PCDHA5: variants seen among roughly 807,000 people sequenced by gnomAD.
The protein encoded by PCDHA5 is protocadherin alpha 5.
In PCDHA5, 43 loss-of-function variants were observed where a neutral mutation model predicts 61.6. The ratio of observed to expected loss-of-function variants is 0.70; its 90% CI spans 0.55 to 0.90. PCDHA5 has a LOEUF of 0.90. Ranked by LOEUF, PCDHA5 falls within the 40% of genes least tolerant of loss-of-function variation. PCDHA5 has a pLI of 0.00. For missense variants in PCDHA5, 1,298 were observed against 1,222.7 expected, an observed-to-expected ratio of 1.06 and a Z score of -0.92; for synonymous variants, 627 against 543.9, an observed-to-expected ratio of 1.15 and a Z score of -2.13.
At chr5:140,909,598 T>A (rs934160611) in intron 1 of PCDHA5, among the ~76,000 whole-genome samples, 1 of 152,198 alleles carries the variant, frequency 6.6e-6, no homozygotes, top group Non-Finnish European at 1.5e-5. Flanking sequence ...ATTTACTATT[T>A]TTCTAGGTAG....
rs200722492 is a variant in PCDHA5, at chr5:140,856,425, A to T, written c.2352+32298A>T. ...GTGGACGTGGAAGTGAAGGACATTAACGACAACCCGCCCAGGTTCTCCGTA... is the reference window on the plus strand; with the variant it reads ...GTGGACGTGGAAGTGAAGGACATTATCGACAACCCGCCCAGGTTCTCCGTA... On this transcript the variant is annotated intron_variant, in intron 1 of 3. Transcript: ENST00000529859. The T allele has an allele frequency of 2.3e-5, 37 of 1,598,204 alleles. 1 individual carries two copies. The highest frequency in any genetic ancestry group is 1.9e-4 in the Admixed American group (11 of 59,214).
At chr5:140,829,950 T>C (rs1770704660) in intron 1 of PCDHA5, 1 of 1,613,960 alleles carries the variant, frequency 6.2e-7, no homozygotes, top group Non-Finnish European at 8.5e-7. Context: ...AGCGCTCGCT[T>C]CCCGTTTCGC....
At chr5:141,006,382 T>A (rs2098271166) in intron 3 of PCDHA5, among the ~76,000 whole-genome samples, 1 of 151,910 alleles carries the variant, frequency 6.6e-6, no homozygotes, top group African/African-American at 2.4e-5. Context: ...CGGCTAAGTT[T>A]TTTCTATTTT....
rs2150445484 is a variant in PCDHA5, at chr5:140,849,697, A to T, written c.2352+25570A>T. The T allele has an allele frequency of 1.8e-5, 29 of 1,598,622 alleles. 2 individuals carry two copies. Among genetic ancestry groups the T allele is most frequent in the Middle Eastern group, 1.7e-4 (1 of 5,912 alleles). ...GTCCCCTTCAAGCTGGTGTCCACCTACAAGAATTACTACTCGTTGGTGCTG... is the reference window on the plus strand; with the variant it reads ...GTCCCCTTCAAGCTGGTGTCCACCTTCAAGAATTACTACTCGTTGGTGCTG... On this transcript the variant is annotated intron_variant, in intron 1 of 3. Coordinates refer to ENST00000529859, the MANE Select transcript of PCDHA5 (RefSeq NM_018908.3).
chr5:140,986,467 T>G (rs190246289), intron 3 of PCDHA5, among the ~76,000 whole-genome samples: 4 of 152,196 alleles, frequency 2.6e-5, no homozygotes, highest in Non-Finnish European at 5.9e-5. Context: ...AATGCCCTCT[T>G]GTGATCAGTT....
intron 1 of PCDHA5, among the ~76,000 whole-genome samples, chr5:140,909,996 T>C (rs549464312): frequency 1.3e-5 from 2 of 152,192 alleles, no homozygotes; most frequent in African/African-American, 4.8e-5. Context: ...ACAGCATAAA[T>C]TGTTGTCAGT....
chr5:140,988,411 A>T (rs2097296392), intron 3 of PCDHA5, among the ~76,000 whole-genome samples: 1 of 152,144 alleles, frequency 6.6e-6, no homozygotes, highest in Non-Finnish European at 1.5e-5. Flanking sequence ...TTCGCAGCTT[A>T]TGTAAAGAAT....
chr5:140,824,010 G>A lies in PCDHA5; in HGVS notation c.2235G>A (p.Gly745=), dbSNP rs1554129688. ...KPTLLCSSAV[G]SWSYSQQRRQ... is the part of the protein sequence containing the mutation. The stretch of plus-strand genomic sequence containing the variant: ...CTCTGTTGTGCTCCAGCGCGGTGGG[G>A]AGCTGGTCGTACTCGCAGCAGAGGA... Residue 745 remains glycine (G), a synonymous_variant, in exon 1 of 4, where the codon GGG becomes GGA. Coordinates refer to ENST00000529859, the MANE Select transcript of PCDHA5 (RefSeq NM_018908.3). The A allele has an allele frequency of 1.2e-6, 2 of 1,614,148 alleles. No homozygotes were observed. Among genetic ancestry groups the A allele is most frequent in the Middle Eastern group, 1.6e-4 (1 of 6,062 alleles).
chr5:140,882,873 G>T, intron 1 of PCDHA5: 6 of 1,614,222 alleles, frequency 3.7e-6, no homozygotes, highest in Non-Finnish European at 5.1e-6. Flanking sequence ...ACACTGGACA[G>T]AGAGGAAATT....
intron 1 of PCDHA5, chr5:140,843,780 GT>G: frequency 7.0e-7 from 1 of 1,429,410 alleles, no homozygotes; most frequent in Non-Finnish European, 9.6e-7. Context: ...CTTTAAAAGT[GT>G]TTCAGATTTA....
chr5:140,860,192 C>CATATAT (rs143984774), intron 1 of PCDHA5: 2 of 146,816 alleles, frequency 1.4e-5, no homozygotes, highest in African/African-American at 5.0e-5. Context: ...GCTCTCCTTA[C>CATATAT]ATATATATCT....
Position 140,869,973 on chromosome 5 carries a change from C to T in PCDHA5, c.2352+45846C>T, listed in dbSNP as rs782664221. The stretch of plus-strand genomic sequence containing the variant: ...TGTCAATTAAGCCCAATGGAAGACA[C>T]TTATTTACACTAGATCAAAATAATG... On this transcript the variant is annotated intron_variant, in intron 1 of 3. Coordinates refer to ENST00000529859, the MANE Select transcript of PCDHA5 (RefSeq NM_018908.3). 3.0e-5 allele frequency: 48 copies of T among 1,613,102 alleles called. No individual in the cohort carries two copies. In the East Asian group the frequency reaches 1.0e-3, roughly 34 times the overall value.
rs2098423512 is a variant in PCDHA5 at position 141,012,298 on chromosome 5, T to A, written c.*2361T>A. On this transcript the variant is annotated 3_prime_UTR_variant, in exon 4 of 4. Transcript: ENST00000529859. ...ATGTGGATTCATTTTGAATTGGTGC[T>A]ATTGGTATTTCCTCTGTTATTGCTA... is the stretch of plus-strand genomic sequence containing the variant. The A allele has an allele frequency of 6.5e-6, 1 of 153,804 alleles. No individual in the cohort carries two copies. Among genetic ancestry groups the A allele is most frequent in the Non-Finnish European group, 1.5e-5 (1 of 68,048 alleles). 9.5% of individuals were successfully genotyped at this position (153,804 alleles called of 1,614,324 possible). A position where few individuals can be genotyped will look rare whatever the true frequency, so the allele number is the denominator to read the frequency against.
intron 1 of PCDHA5, chr5:140,843,356 T>G (rs1228911692): frequency 1.3e-6 from 2 of 1,595,866 alleles, no homozygotes; most frequent in Non-Finnish European, 1.7e-6. Context: ...TCCAAAAGCG[T>G]CATCGAGGCA....
chr5:140,967,838 G>A, intron 1 of PCDHA5: 1 of 1,614,124 alleles, frequency 6.2e-7, no homozygotes, highest in Non-Finnish European at 8.5e-7. Flanking sequence ...CATCGTGGAC[G>A]TGAATGACAA....
At chr5:140,973,800 C>A (rs1554235613) in intron 1 of PCDHA5, among the ~76,000 whole-genome samples, 1 of 152,236 alleles carries the variant, frequency 6.6e-6, no homozygotes, top group Non-Finnish European at 1.5e-5. Context: ...ATGCTGTCTA[C>A]TTGACAGAAT....
intron 1 of PCDHA5, among the ~76,000 whole-genome samples, chr5:140,827,548 A>G (rs1562291088): frequency 1.3e-5 from 2 of 152,142 alleles, no homozygotes; most frequent in African/African-American, 2.4e-5. Context: ...TTTAAGTTAC[A>G]TTTTTTCCCT....
intron 1 of PCDHA5, among the ~76,000 whole-genome samples, chr5:140,909,495 G>A (rs532080413): frequency 7.2e-5 from 11 of 152,278 alleles, no homozygotes; most frequent in African/African-American, 2.6e-4. Context: ...AGCTGAACGG[G>A]GATGTGGTGG....
At chr5:140,955,460 C>G (rs1051253944) in intron 1 of PCDHA5, among the ~76,000 whole-genome samples, 2 of 152,000 alleles carry the variant, frequency 1.3e-5, no homozygotes, top group Non-Finnish European at 2.9e-5. Flanking sequence ...GGGCTTTTTC[C>G]TTTTTGCTTG....
Sources: allele counts gnomAD v4.1 joint callset (sites outside exome capture counted in the v4.1 genomes callset), GRCh38; gene constraint gnomAD v4.1.1; transcripts MANE v1.5; gene names NCBI Gene and HGNC (gene_info 2026-07-23, HGNC 2026-07-21).